PLXNA1: variants seen among roughly 807,000 people sequenced by gnomAD.
The protein encoded by PLXNA1 is plexin A1.
A neutral mutation model predicts 191.7 loss-of-function variants in PLXNA1; 77 were observed. That is an observed-to-expected ratio of 0.40 (90% CI 0.33 to 0.49). The LOEUF is 0.49. PLXNA1 is among the 20% of genes least tolerant of loss of function. The pLI is 0.63. For missense variants in PLXNA1, 2,110 were observed against 2,660.2 expected, an observed-to-expected ratio of 0.79 and a Z score of 4.55; for synonymous variants, 1,137 against 1,156.4, an observed-to-expected ratio of 0.98 and a Z score of 0.34.
intron 3 of PLXNA1, among the ~76,000 whole-genome samples, chr3:127,002,574 G>A (rs1313770752): frequency 1.3e-5 from 2 of 152,236 alleles, no homozygotes; most frequent in Non-Finnish European, 2.9e-5. Context: ...GAGTGGGTCA[G>A]GCTGGGGGAA....
At chr3:127,000,011 G>C (rs2079032495) in intron 3 of PLXNA1, among the ~76,000 whole-genome samples, 1 of 152,106 alleles carries the variant, frequency 6.6e-6, no homozygotes, top group African/African-American at 2.4e-5. Flanking sequence ...CCGCCAGCCA[G>C]GGGTGGGTGG....
chr3:127,026,751 G>A (rs1180480805), intron 23 of PLXNA1: 1 of 152,264 alleles, frequency 6.6e-6, no homozygotes, highest in Non-Finnish European at 1.5e-5. Flanking sequence ...CCAGGGCCGG[G>A]TAGGAGGCAG....
intron 3 of PLXNA1, among the ~76,000 whole-genome samples, chr3:126,991,994 C>T (rs2078993281): frequency 6.6e-6 from 1 of 152,174 alleles, no homozygotes; most frequent in Admixed American, 6.5e-5. Flanking sequence ...GGCCAGAGGC[C>T]TTGGCCCTGC....
intron 9 of PLXNA1, among the ~76,000 whole-genome samples, chr3:127,009,969 C>T (rs965914007): frequency 6.6e-6 from 1 of 152,192 alleles, no homozygotes; most frequent in African/African-American, 2.4e-5. Context: ...GAGTGTGGTT[C>T]GTGTCTTCAC....
intron 22 of PLXNA1, 51 bp from the exon 23 acceptor site, chr3:127,022,701 C>G: frequency 6.5e-7 from 1 of 1,548,198 alleles, no homozygotes; most frequent in Non-Finnish European, 8.9e-7. Context: ...GGCCCTGTGC[C>G]TGCTGGACAG....
intron 8 of PLXNA1, 139 bp from the exon 9 acceptor site, chr3:127,007,660 C>G (rs549229026): frequency 8.0e-5 from 44 of 552,582 alleles, no homozygotes; most frequent in Middle Eastern, 4.8e-4. Flanking sequence ...GAAGAACTTT[C>G]CAGGCCAGGA....
intron 1 of PLXNA1, among the ~76,000 whole-genome samples, chr3:126,983,509 C>T (rs953981603): frequency 2.0e-5 from 3 of 146,372 alleles, no homozygotes; most frequent in Admixed American, 2.0e-4. Context: ...CCGGCCCAGG[C>T]GTCCGCGTGT....
At chr3:127,030,529 C>G in intron 29 of PLXNA1, 117 bp downstream of exon 29, 1 of 1,290,464 alleles carries the variant, frequency 7.7e-7, no homozygotes, top group Non-Finnish European at 1.1e-6. Context: ...CGTGGGGACA[C>G]AACCCAGCAG....
At position 127,022,202 on chromosome 3, in the gene PLXNA1, C is replaced by T. The variant is rs748329496; in HGVS notation, c.4156C>T (p.Arg1386Cys). The change falls in exon 22 of 32, where the codon CGC (arginine) becomes TGC (cysteine). Residue 1386 changes from arginine to cysteine, a missense_variant. By Grantham distance (180) the Arg-to-Cys change is radical. Around this residue, in one of 4 missense-constraint regions of PLXNA1, gnomAD observed 559 missense variants for 911.5 expected, o/e 0.61. Transcript: ENST00000393409. ...ACAGCGCAGCTTCTCCATGCGCGAC[C>T]GCGGGAATGTGGCCTCGCTCATCAT... ...EAQRSFSMRD[R>C]GNVASLIMTA... 1.2e-6 allele frequency: 2 copies of T among 1,613,396 alleles called. No individual in the cohort carries two copies. Among genetic ancestry groups the T allele is most frequent in the Admixed American group, 1.7e-5 (1 of 60,018 alleles).
chr3:127,002,244 G>A lies in PLXNA1; in HGVS notation c.1378-1086G>A, dbSNP rs924418497. On this transcript the variant is annotated intron_variant, in intron 3 of 31. Coordinates refer to ENST00000393409, the MANE Select transcript of PLXNA1 (RefSeq NM_032242.4). ...GCCCAGCTTTGGGCTCCACTCTTCC[G>A]GGTCTGGTTTGACTTAAGCCTGCTT... Among the ~76,000 whole-genome samples the A allele has an allele frequency of 2.6e-5, 4 of 152,232 alleles. No individual in the cohort carries two copies. In the South Asian group the frequency reaches 6.2e-4, roughly 24 times the overall value.
intron 21 of PLXNA1, among the ~76,000 whole-genome samples, chr3:127,021,038 T>G (rs1049272829): frequency 6.6e-6 from 1 of 152,132 alleles, no homozygotes; most frequent in Non-Finnish European, 1.5e-5. Flanking sequence ...GCTCGGCAGG[T>G]TAGCTCAGTC....
At position 127,014,659 on chromosome 3, in the gene PLXNA1, G is replaced by A. The variant is rs537971900; in HGVS notation, c.2756+30G>A. ...GTGCAGCCCTGGGTGTGTGCGGGGC[G>A]GGACGGGACGGGGCGGGGCTCCTGC... On this transcript the variant is annotated intron_variant, in intron 13 of 31. Coordinates refer to ENST00000393409, the MANE Select transcript of PLXNA1 (RefSeq NM_032242.4). The A allele has an allele frequency of 3.0e-4, 490 of 1,611,450 alleles. 6 individuals are homozygous for A. The South Asian group carries it at 4.3e-3, about 14-fold the overall frequency.
At chr3:126,984,397 G>A (rs1398069707) in intron 1 of PLXNA1, among the ~76,000 whole-genome samples, 1 of 152,242 alleles carries the variant, frequency 6.6e-6, no homozygotes, top group African/African-American at 2.4e-5. Context: ...ACACGTAGCC[G>A]GTTTGGGGGT....
Position 127,004,893 on chromosome 3 carries a change from G to C in PLXNA1, c.1628G>C (p.Arg543Pro). 1 of 1,597,264 alleles carries C rather than the reference G, an allele frequency of 6.3e-7. No homozygotes were observed. The highest frequency in any genetic ancestry group is 8.5e-7 in the Non-Finnish European group (1 of 1,169,860). ...GWCVLHSICSRRDACERADEP... is the reference protein window; with the variant it reads ...GWCVLHSICSPRDACERADEP... ...AACCCCTCTGCCTGCAGCTGCTCGC[G>C]GCGGGACGCCTGTGAGCGAGCAGAC... is the stretch of plus-strand genomic sequence containing the variant. Residue 543 changes from arginine (R) to proline (P), a missense_variant, in exon 6 of 32, where the codon CGG (arginine) becomes CCG (proline). Around this residue, in one of 4 missense-constraint regions of PLXNA1, gnomAD observed 903 missense variants for 1,015.7 expected, o/e 0.89. Transcript: ENST00000393409.
In PLXNA1 at chr3:126,988,746, C is replaced by G; in HGVS notation, c.153C>G (p.Leu51=). The G allele has an allele frequency of 1.9e-6, 3 of 1,591,424 alleles. No homozygotes were observed. Among genetic ancestry groups the G allele is most frequent in the Non-Finnish European group, 2.6e-6 (3 of 1,166,340 alleles). Residue 51 remains leucine, a synonymous_variant, in exon 2 of 32, where the codon CTC becomes CTG. Transcript: ENST00000393409. The stretch of plus-strand genomic sequence containing the variant: ...CCTTCTCGGCCAGCGACTGGGGCCT[C>G]ACCCACCTAGTGGTGCATGAGCAGA... The part of the protein sequence containing the change: ...FRTFSASDWG[L]THLVVHEQTG...
chr3:126,989,436 G>T lies in PLXNA1; in HGVS notation c.843G>T (p.Lys281Asn), dbSNP rs1369503333. ...DAAGEHFFTS[K>N]IVRLCVDDPK... Reference sequence around the variant, plus strand: ...CCGGCGAGCACTTCTTCACGTCCAAGATCGTGCGGCTCTGTGTGGACGACC... The same window carrying T: ...CCGGCGAGCACTTCTTCACGTCCAATATCGTGCGGCTCTGTGTGGACGACC... The change falls in exon 2 of 32, where the codon AAG (lysine) becomes AAT (asparagine). Residue 281 changes from lysine (K) to asparagine (N), a missense_variant. By Grantham distance (94) the Lys-to-Asn change is moderately conservative (BLOSUM62 0). Coordinates refer to ENST00000393409, the MANE Select transcript of PLXNA1 (RefSeq NM_032242.4). The T allele has an allele frequency of 6.2e-7, 1 of 1,613,502 alleles. No homozygotes were observed. The highest frequency in any genetic ancestry group is 8.5e-7 in the Non-Finnish European group (1 of 1,180,048).
intron 3 of PLXNA1, among the ~76,000 whole-genome samples, chr3:126,993,686 T>C (rs1346525306): frequency 6.6e-6 from 1 of 152,152 alleles, no homozygotes; most frequent in East Asian, 1.9e-4. Flanking sequence ...GCATCTGGGG[T>C]CAGCTGTGCC....
In PLXNA1 at chr3:127,027,660, C is replaced by T. The variant is rs908061181; in HGVS notation, c.4363-280C>T. On this transcript the variant is annotated intron_variant, in intron 23 of 31. Coordinates refer to ENST00000393409, the MANE Select transcript of PLXNA1 (RefSeq NM_032242.4). The stretch of plus-strand genomic sequence containing the variant: ...CCTCCCTGATGCAGGTCCCGCGTGC[C>T]ACGCCATGTTCCTCGATACACTACT... 5 of 589,212 alleles carry T rather than the reference C, an allele frequency of 8.5e-6. No homozygotes were observed. The African/African-American group carries it at 9.1e-5, about 11-fold the overall frequency. 36.5% of individuals were successfully genotyped at this position (589,212 alleles called of 1,614,324 possible). A position where few individuals can be genotyped will look rare whatever the true frequency, so the allele number is the denominator to read the frequency against.
In PLXNA1 at chr3:127,004,684, A is replaced by C. The variant is rs2107627197; in HGVS notation, c.1592A>C (p.His531Pro). 6.3e-7 allele frequency: 1 copy of C among 1,590,934 alleles called. No individual in the cohort carries two copies. Among genetic ancestry groups the C allele is most frequent in the Non-Finnish European group, 8.6e-7 (1 of 1,169,182 alleles). Residue 531 changes from histidine to proline, a missense_variant, in exon 5 of 32, where the codon CAC becomes CCC. Around this residue, in one of 4 missense-constraint regions of PLXNA1, gnomAD observed 903 missense variants for 1,015.7 expected, o/e 0.89. Coordinates refer to ENST00000393409, the MANE Select transcript of PLXNA1 (RefSeq NM_032242.4). ...CELCLGSRDP[H>P]CGWCVLHSIC... ...CTGTGTCTGGGGTCACGGGACCCCC[A>C]CTGTGGCTGGTGTGTCCTGCACAGC...
Sources: allele counts gnomAD v4.1 joint callset (sites outside exome capture counted in the v4.1 genomes callset), GRCh38; gene constraint gnomAD v4.1.1; regional missense constraint gnomAD v4.1.1; transcripts MANE v1.5; gene names NCBI Gene and HGNC (gene_info 2026-07-23, HGNC 2026-07-21).